The following RPS3 variants were observed in gnomAD, a reference collection of about 807,000 sequenced individuals.
RPS3 encodes ribosomal protein S3.
Under a neutral mutation model 25.8 loss-of-function variants are expected in RPS3, and 2 were observed. That is an observed-to-expected ratio of 0.08 (90% CI 0.03 to 0.24). RPS3 has a LOEUF of 0.24. Ranked by LOEUF, RPS3 falls within the 10% of genes least tolerant of loss-of-function variation. The pLI is 1.00. For synonymous variants in RPS3, 114 were observed against 114.2 expected (o/e 1.00, Z 0.01); for missense variants, 107 against 307.1 (o/e 0.35, Z 4.87).
At chr11:75,399,618 C>T (rs1018961707) in intron 1 of RPS3, 41 bp downstream of exon 1, 80 of 1,598,900 alleles carry the variant, frequency 5.0e-5, no homozygotes, top group Non-Finnish European at 6.3e-5. Flanking sequence ...GACGGCGCCG[C>T]GCGGGTCGAG....
rs933741676 is a variant in RPS3 at position 75,401,628 on chromosome 11, T to C, written c.162-12T>C. The C allele has an allele frequency of 2.8e-5, 45 of 1,583,036 alleles. No homozygotes were observed. The highest frequency in any genetic ancestry group is 3.8e-5 in the Non-Finnish European group (44 of 1,151,866). ...TTTGTGAGAATCTTGAATTGTCACT[T>C]TTCCCCCCCAGAACACAGAATGTTC... On this transcript the variant is annotated splice_polypyrimidine_tract_variant and intron_variant, in intron 2 of 6. Transcript: ENST00000531188.
At position 75,404,080 on chromosome 11, in the gene RPS3, G is replaced by A. The variant is rs986507658; in HGVS notation, c.411G>A (p.Val137=). ...MESGAKGCEV[V]VSGKLRGQRA... is the part of the protein sequence containing the mutation. Reference sequence around the variant, plus strand: ...GTGGGGCCAAAGGCTGCGAGGTTGTGGTGTCTGGGAAACTCCGAGGACAGA... The same window carrying A: ...GTGGGGCCAAAGGCTGCGAGGTTGTAGTGTCTGGGAAACTCCGAGGACAGA... Residue 137 remains valine (V), a synonymous_variant, in exon 5 of 7, where the codon GTG becomes GTA. Coordinates refer to ENST00000531188, the MANE Select transcript of RPS3 (RefSeq NM_001005.5). This position sits in a 1 kb window ranked among gnomAD's most constrained non-coding sequence, Gnocchi z 4.6. The A allele has an allele frequency of 3.0e-5, 49 of 1,613,808 alleles. No homozygotes were observed. The highest frequency in any genetic ancestry group is 4.1e-5 in the Non-Finnish European group (48 of 1,180,038).
At position 75,404,527 on chromosome 11, in the gene RPS3, C is replaced by G. The variant is rs1210456344; in HGVS notation, c.539-145C>G. 2.3e-6 allele frequency: 2 copies of G among 857,058 alleles called. No individual in the cohort carries two copies. Among genetic ancestry groups the G allele is most frequent in the Non-Finnish European group, 4.1e-6 (2 of 489,338 alleles). 53.1% of individuals were successfully genotyped at this position (857,058 alleles called of 1,614,324 possible). A position where few individuals can be genotyped will look rare whatever the true frequency, so the allele number is the denominator to read the frequency against. ...GCACGAGTTCCTTTGGCAGAAGTGTCCTATTTATTGATCGATTTAGAGGCA... is the reference window on the plus strand; with the variant it reads ...GCACGAGTTCCTTTGGCAGAAGTGTGCTATTTATTGATCGATTTAGAGGCA... On this transcript the variant is annotated intron_variant, in intron 5 of 6. Transcript: ENST00000531188. This position sits in a 1 kb window ranked among gnomAD's most constrained non-coding sequence, Gnocchi z 4.6.
downstream of RPS3, among the ~76,000 whole-genome samples, chr11:75,407,799 T>G (rs1368267624): frequency 6.6e-6 from 1 of 152,218 alleles, no homozygotes; most frequent in African/African-American, 2.4e-5. Flanking sequence ...GGGAATAGGT[T>G]AAGACTGTAC....
downstream of RPS3, chr11:75,407,017 T>C (rs980293499): frequency 2.0e-5 from 3 of 152,192 alleles, no homozygotes; most frequent in African/African-American, 7.2e-5. Context: ...GAACCAATCA[T>C]TGGTACTGCA....
rs191503279 is a variant in RPS3 at position 75,412,721 on chromosome 11, T to C, written c.*3+7853T>C. 3.3e-5 allele frequency among the ~76,000 whole-genome samples: 5 copies of C among 152,348 alleles called. No individual in the cohort carries two copies. The East Asian group carries it at 9.6e-4, about 29-fold the overall frequency. On this transcript the variant is annotated intron_variant, in intron 6 of 6. Transcript: ENST00000527446. Reference sequence around the variant, plus strand: ...TTTCTTTCTGTCAGGGCTTCAGATATAAAATCTGATTGCCAGTGAAATAAA... The same window carrying C: ...TTTCTTTCTGTCAGGGCTTCAGATACAAAATCTGATTGCCAGTGAAATAAA...
rs11546210 is a variant in RPS3, at chr11:75,400,818, C to T, written c.155C>T (p.Ala52Val). Residue 52 changes from alanine (A) to valine (V), a missense_variant, in exon 2 of 7, where the codon GCC becomes GTC. Physicochemically the swap from Ala to Val is moderately conservative, Grantham distance 64. Around this residue, in one of 2 missense-constraint regions of RPS3, gnomAD observed 81 missense variants for 286.8 expected, o/e 0.28. Transcript: ENST00000531188. ...TPTRTEIIIL[A>V]TRTQNVLGEK... is the part of the protein sequence containing the mutation. ...ACCAGGACAGAAATCATTATCTTAG[C>T]CACCAGGTAAAACTCATTTGACTGG... 1 of 1,611,360 alleles carries T rather than the reference C, an allele frequency of 6.2e-7. No individual in the cohort carries two copies. The highest frequency in any genetic ancestry group is 1.3e-5 in the African/African-American group (1 of 74,842).
chr11:75,403,706 C>T (rs1948243696), intron 4 of RPS3: 1 of 220,028 alleles, frequency 4.5e-6, no homozygotes, highest in African/African-American at 2.3e-5. Context: ...TATTCCTGGA[C>T]TTTGCACATT....
chr11:75,400,422 TG>T (rs749031631), intron 1 of RPS3: 6 of 560,730 alleles, frequency 1.1e-5, no homozygotes, highest in Non-Finnish European at 2.1e-5. Context: ...GAGTCTGACT[TG>T]GGGATGTTCT....
downstream of RPS3, among the ~76,000 whole-genome samples, chr11:75,410,149 G>T (rs1041143561): frequency 2.7e-5 from 4 of 150,310 alleles, no homozygotes; most frequent in Non-Finnish European, 4.4e-5. Flanking sequence ...GGACGGGGCG[G>T]CTGGCCGGGC....
chr11:75,410,299 C>T (rs1948339126), downstream of RPS3, among the ~76,000 whole-genome samples: 1 of 151,508 alleles, frequency 6.6e-6, no homozygotes, highest in Non-Finnish European at 1.5e-5. Flanking sequence ...AGAGGGTTTC[C>T]TCACTTCTCA....
downstream of RPS3, among the ~76,000 whole-genome samples, chr11:75,408,832 A>G (rs1244843897): frequency 6.6e-6 from 1 of 152,204 alleles, no homozygotes; most frequent in Non-Finnish European, 1.5e-5. Flanking sequence ...CACTGTACCC[A>G]GCCTACTCTT....
chr11:75,402,621 T>A, intron 4 of RPS3, 175 bp downstream of exon 4: 1 of 589,438 alleles, frequency 1.7e-6, no homozygotes, highest in Non-Finnish European at 2.8e-6. Flanking sequence ...ACAAGACTAC[T>A]AAAGCAGCAA....
chr11:75,402,214 AT>A (rs1184424825), intron 3 of RPS3, 137 bp from the exon 4 acceptor site: 5 of 1,290,678 alleles, frequency 3.9e-6, no homozygotes, highest in Non-Finnish European at 5.4e-6. Context: ...AATCAAAGCC[AT>A]CTCCTGGGCA....
chr11:75,409,159 T>A (rs1381037839), downstream of RPS3, among the ~76,000 whole-genome samples: 1 of 151,016 alleles, frequency 6.6e-6, no homozygotes, highest in African/African-American at 2.4e-5. Context: ...TTTTTATTTT[T>A]ATTTTATTTA....
chr11:75,421,323 G>C (rs1272742365), intron 6 of RPS3, among the ~76,000 whole-genome samples: 3 of 152,204 alleles, frequency 2.0e-5, no homozygotes, highest in Non-Finnish European at 2.9e-5. Flanking sequence ...GCTGAAGGGA[G>C]ATGCAAGGAG....
At chr11:75,399,807 C>T in intron 1 of RPS3, 1 of 560,594 alleles carries the variant, frequency 1.8e-6, no homozygotes, top group East Asian at 3.1e-5. Flanking sequence ...ACCAGGCGCC[C>T]CTTCTGTCCC....
At chr11:75,408,898 G>C (rs925872202), downstream of RPS3, among the ~76,000 whole-genome samples, 3 of 152,116 alleles carry the variant, frequency 2.0e-5, no homozygotes, top group Non-Finnish European at 4.4e-5. Flanking sequence ...GTGAGCACTT[G>C]GTAACCAGAG....
chr11:75,402,212 C>G, intron 3 of RPS3, 140 bp from the exon 4 acceptor site: 2 of 1,257,938 alleles, frequency 1.6e-6, no homozygotes, highest in Middle Eastern at 1.9e-4. Flanking sequence ...ACAATCAAAG[C>G]CATCTCCTGG....
Sources: allele counts gnomAD v4.1 joint callset (sites outside exome capture counted in the v4.1 genomes callset), GRCh38; gene constraint gnomAD v4.1.1; regional missense constraint gnomAD v4.1.1; non-coding constraint Gnocchi (gnomAD v3.1); transcripts MANE v1.5; gene names NCBI Gene and HGNC (gene_info 2026-07-23, HGNC 2026-07-21).